The following KLRG1 variants were observed in gnomAD, a reference collection of about 807,000 sequenced individuals.
KLRG1 encodes killer cell lectin-like receptor subfamily G member 1.
A neutral mutation model predicts 21.8 loss-of-function variants in KLRG1; 16 were observed. That is an observed-to-expected ratio of 0.73 (90% CI 0.50 to 1.11). The LOEUF (loss-of-function observed/expected upper bound fraction) is 1.11. Ranked by LOEUF, KLRG1 falls within the 50% of genes most tolerant of loss-of-function variation. KLRG1 has a pLI of 0.00. For synonymous variants in KLRG1, 69 were observed against 75.9 expected, an observed-to-expected ratio of 0.91 and a Z score of 0.47; for missense variants, 173 against 218.3, an observed-to-expected ratio of 0.79 and a Z score of 1.31.
chr12:9,086,992 CAAT>C, the KLRG1 span, among the ~76,000 whole-genome samples: 7 of 152,132 alleles, frequency 4.6e-5, no homozygotes, highest in African/African-American at 1.7e-4. Flanking sequence ...TGTTCACTAA[CAAT>C]GAATGATTGA....
chr12:9,115,749 CTG>C, the KLRG1 span: 10 of 1,600,060 alleles, frequency 6.2e-6, no homozygotes, highest in African/African-American at 5.4e-5. Context: ...TTCACGCTCT[CTG>C]TGTGGAACTC....
the KLRG1 span, among the ~76,000 whole-genome samples, chr12:9,069,265 A>G: frequency 6.6e-6 from 1 of 152,214 alleles, no homozygotes; most frequent in East Asian, 1.9e-4. Context: ...ATTCCCATCA[A>G]CTTATGCATG....
the KLRG1 span, among the ~76,000 whole-genome samples, chr12:9,213,323 T>G: frequency 1.3e-5 from 2 of 152,166 alleles, no homozygotes; most frequent in Admixed American, 1.3e-4. Context: ...ATGATTTCAT[T>G]TTTTGGGGGA....
chr12:9,076,842 A>G, the KLRG1 span: 1 of 1,614,098 alleles, frequency 6.2e-7, no homozygotes, highest in Non-Finnish European at 8.5e-7. Flanking sequence ...ATAGGCCAGC[A>G]GTGCTTTGGT....
intron 3 of KLRG1, among the ~76,000 whole-genome samples, chr12:8,999,811 G>A (rs1947252433): frequency 6.6e-6 from 1 of 152,182 alleles, no homozygotes; most frequent in Non-Finnish European, 1.5e-5. Context: ...GGCCGAGATG[G>A]GTGAATGATT....
rs976040535 is a variant in KLRG1 at position 9,010,167 on chromosome 12, T to C, written c.*630T>C. On this transcript the variant is annotated 3_prime_UTR_variant, in exon 5 of 5. Transcript: ENST00000356986. ...TGCCACTGTACTCCAGCCTGGGAGATAGAGCAAGACTCCATCTCTAAAAAA... is the reference window on the plus strand; with the variant it reads ...TGCCACTGTACTCCAGCCTGGGAGACAGAGCAAGACTCCATCTCTAAAAAA... The C allele has an allele frequency of 7.2e-6, 4 of 554,128 alleles. No homozygotes were observed. Among genetic ancestry groups the C allele is most frequent in the Admixed American group, 3.3e-5 (1 of 29,872 alleles). 34.3% of individuals were successfully genotyped at this position (554,128 alleles called of 1,614,324 possible).
the KLRG1 span, chr12:9,166,248 T>C: frequency 3.1e-6 from 5 of 1,593,916 alleles, no homozygotes; most frequent in Admixed American, 5.2e-5. Flanking sequence ...CATTCATTAA[T>C]TTCATGGTGC....
the KLRG1 span, chr12:9,150,700 A>T: frequency 0.29 from 467,929 of 1,609,768 alleles, 72,065 homozygotes; most frequent in Admixed American, 0.34. Flanking sequence ...TCCTACTGGG[A>T]TGTCTTGCAG....
At chr12:9,162,381 G>A in the KLRG1 span, 2 of 521,088 alleles carry the variant, frequency 3.8e-6, no homozygotes, top group East Asian at 3.4e-5. Context: ...GAAAGCCCAG[G>A]TATTAGTCCT....
At chr12:9,177,457 T>C in the KLRG1 span, among the ~76,000 whole-genome samples, 1 of 152,340 alleles carries the variant, frequency 6.6e-6, no homozygotes, top group South Asian at 2.1e-4. Context: ...TAGACCCACC[T>C]AGCTAAGCTG....
chr12:9,084,546 G>A, the KLRG1 span, among the ~76,000 whole-genome samples: 1 of 151,690 alleles, frequency 6.6e-6, no homozygotes, highest in East Asian at 1.9e-4. Context: ...TAGAAGCACA[G>A]AACAAAAATT....
At chr12:9,046,000 C>T in the KLRG1 span, among the ~76,000 whole-genome samples, 10 of 152,032 alleles carry the variant, frequency 6.6e-5, no homozygotes, top group South Asian at 6.2e-4. Context: ...CACGTGGACA[C>T]GGAGGGGAAC....
the KLRG1 span, among the ~76,000 whole-genome samples, chr12:9,059,841 G>A: frequency 1.3e-5 from 2 of 151,652 alleles, no homozygotes; most frequent in Admixed American, 1.3e-4. Flanking sequence ...CACTATGCCC[G>A]GCTAATTTTT....
At chr12:9,198,616 T>A in the KLRG1 span, among the ~76,000 whole-genome samples, 1 of 152,010 alleles carries the variant, frequency 6.6e-6, no homozygotes, top group Non-Finnish European at 1.5e-5. Flanking sequence ...ACAAAATAAT[T>A]AGTGGGGTTA....
At chr12:9,150,169 C>G in the KLRG1 span, among the ~76,000 whole-genome samples, 1 of 152,218 alleles carries the variant, frequency 6.6e-6, no homozygotes, top group Non-Finnish European at 1.5e-5. Context: ...ATCTATGTCT[C>G]TAAACTACTT....
chr12:9,106,367 T>A, the KLRG1 span: 1 of 1,548,936 alleles, frequency 6.5e-7, no homozygotes, highest in Non-Finnish European at 8.9e-7. Context: ...GAAAAAAATC[T>A]GTTATTTTTG....
chr12:9,041,913 C>T, the KLRG1 span, among the ~76,000 whole-genome samples: 1 of 152,108 alleles, frequency 6.6e-6, no homozygotes, highest in African/African-American at 2.4e-5. Flanking sequence ...AAAACAGAGA[C>T]TGGTACTATG....
At chr12:9,019,318 T>G in the KLRG1 span, among the ~76,000 whole-genome samples, 5 of 152,212 alleles carry the variant, frequency 3.3e-5, no homozygotes, top group African/African-American at 1.2e-4. Context: ...ACACTGTTGG[T>G]TGGAGTGTAA....
chr12:9,169,062 C>T, the KLRG1 span: 2 of 921,454 alleles, frequency 2.2e-6, no homozygotes, highest in African/African-American at 1.7e-5. Flanking sequence ...TATGTAATTC[C>T]AGTATCCTTA....
Sources: allele counts gnomAD v4.1 joint callset (sites outside exome capture counted in the v4.1 genomes callset), GRCh38; gene constraint gnomAD v4.1.1; transcripts MANE v1.5; gene names NCBI Gene and HGNC (gene_info 2026-07-23, HGNC 2026-07-21).